Variants in ALPK1 observed in about 807,000 individuals in gnomAD.
The protein encoded by ALPK1 is alpha kinase 1.
ALPK1 carries 110 observed loss-of-function variants against 120.6 expected under a neutral mutation model. That is an observed-to-expected ratio of 0.91 (90% CI 0.78 to 1.07). The LOEUF is 1.07. Among genes scored for constraint, ALPK1 ranks in the 50% least tolerant of loss-of-function variants. The probability of loss-of-function intolerance (pLI) is 0.00; values close to 1 mark genes in which losing one functional copy is unlikely to be tolerated. For synonymous variants in ALPK1, 582 were observed against 560.3 expected (o/e 1.04, Z -0.55); for missense variants, 1,498 against 1,483.9 (o/e 1.01, Z -0.16).
intron 4 of ALPK1, among the ~76,000 whole-genome samples, chr4:112,392,957 C>T (rs1732488968): frequency 6.6e-6 from 1 of 152,218 alleles, no homozygotes; most frequent in Non-Finnish European, 1.5e-5. Context: ...GGGCTGAAAG[C>T]AAAGAAGGTT....
rs1438380204 is a variant in ALPK1 at position 112,441,204 on chromosome 4, C to A, written c.3729C>A (p.Cys1243Ter). 2 of 1,596,360 alleles carry A rather than the reference C, an allele frequency of 1.3e-6. No individual in the cohort carries two copies. The highest frequency in any genetic ancestry group is 1.7e-6 in the Non-Finnish European group (2 of 1,163,876). ...AAATATCTGGTTCTCTCCTTCCAGG[C>A]ACATAGAATACGGCACAGTCTGGTC... ...SLTRPSMEKP[C>*]T Residue 1243 changes from cysteine (C) to a stop codon, truncating the protein, a stop_gained and splice_region_variant, in exon 16 of 16, where the codon TGC becomes TGA. Coordinates refer to ENST00000650871, the MANE Select transcript of ALPK1 (RefSeq NM_025144.4). LOFTEE classifies it high-confidence loss of function.
At chr4:112,369,524 A>G (rs564002776) in intron 2 of ALPK1, among the ~76,000 whole-genome samples, 20 of 151,600 alleles carry the variant, frequency 1.3e-4, no homozygotes, top group African/African-American at 4.8e-4. Context: ...GATTAAAAAG[A>G]CGTTTTAGAT....
chr4:112,392,725 A>T (rs1007284960), intron 4 of ALPK1, among the ~76,000 whole-genome samples: 2 of 152,034 alleles, frequency 1.3e-5, no homozygotes, highest in African/African-American at 4.8e-5. Context: ...TGGGTTTCCC[A>T]GAGCCGTGTT....
At chr4:112,329,343 G>A (rs1199038086) in intron 2 of ALPK1, among the ~76,000 whole-genome samples, 2 of 152,198 alleles carry the variant, frequency 1.3e-5, no homozygotes, top group Non-Finnish European at 2.9e-5. Context: ...AAACTCTGAA[G>A]AGACTGACTT....
intron 4 of ALPK1, among the ~76,000 whole-genome samples, chr4:112,402,278 C>G (rs975258304): frequency 1.3e-5 from 2 of 152,312 alleles, no homozygotes; most frequent in African/African-American, 4.8e-5. Flanking sequence ...CCCAGCCCCT[C>G]CTTGAGAACA....
intron 4 of ALPK1, among the ~76,000 whole-genome samples, chr4:112,392,533 T>C (rs1430277491): frequency 6.6e-6 from 1 of 152,158 alleles, no homozygotes; most frequent in Non-Finnish European, 1.5e-5. Flanking sequence ...AGTAATTTCA[T>C]TTATCTGAGA....
At chr4:112,302,036 C>G (rs1322141859) in intron 1 of ALPK1, among the ~76,000 whole-genome samples, 1 of 152,094 alleles carries the variant, frequency 6.6e-6, no homozygotes, top group African/African-American at 2.4e-5. Flanking sequence ...CTTACAGTCC[C>G]TGAGACAGGG....
At chr4:112,303,573 G>T (rs930697218) in intron 1 of ALPK1, among the ~76,000 whole-genome samples, 5 of 152,066 alleles carry the variant, frequency 3.3e-5, no homozygotes, top group African/African-American at 1.2e-4. Flanking sequence ...GCACCATACC[G>T]TGATCTCCTC....
rs191532929 is a variant in ALPK1, at chr4:112,397,497, A to G, written c.277-14330A>G. The stretch of plus-strand genomic sequence containing the variant: ...TACTTTTGCACCAACCAATATTTCC[A>G]TGGGCACTGTATGTGAAATCGAGAC... On this transcript the variant is annotated intron_variant, in intron 4 of 15. Transcript: ENST00000650871. 1.3e-3 allele frequency among the ~76,000 whole-genome samples: 196 copies of G among 152,332 alleles called. 1 individual carries two copies. The highest frequency in any genetic ancestry group is 4.5e-3 in the African/African-American group (187 of 41,586).
Position 112,345,722 on chromosome 4 carries a change from T to C in ALPK1, c.-101+29870T>C, listed in dbSNP as rs151002807. Among the ~76,000 whole-genome samples the C allele has an allele frequency of 2.6e-4, 39 of 152,364 alleles. No individual in the cohort carries two copies. The East Asian group carries it at 7.1e-3, about 28-fold the overall frequency. On this transcript the variant is annotated intron_variant, in intron 2 of 15. Transcript: ENST00000650871. The stretch of plus-strand genomic sequence containing the variant: ...AGCAATGTAAAAACTTCATGTACTC[T>C]TATGTAGCTTCAACATTTAATAGTC...
At chr4:112,375,614 T>C (rs1047850746) in intron 2 of ALPK1, among the ~76,000 whole-genome samples, 76 of 152,346 alleles carry the variant, frequency 5.0e-4, no homozygotes, top group African/African-American at 1.8e-3. Context: ...AGATGAGGGT[T>C]TGGCTTAAGG....
chr4:112,384,299 A>G (rs1478168328), intron 4 of ALPK1: 1 of 152,252 alleles, frequency 6.6e-6, no homozygotes, highest in African/African-American at 2.4e-5. Flanking sequence ...TTGTATCTAA[A>G]GTAAGCTGTA....
intron 8 of ALPK1, among the ~76,000 whole-genome samples, chr4:112,426,848 G>A (rs1486683481): frequency 1.3e-5 from 2 of 152,120 alleles, no homozygotes; most frequent in Non-Finnish European, 2.9e-5. Flanking sequence ...TTACTTGATT[G>A]CATAGCAAAG....
intron 1 of ALPK1, among the ~76,000 whole-genome samples, chr4:112,308,229 G>T (rs2110527655): frequency 6.6e-6 from 1 of 152,098 alleles, no homozygotes; most frequent in African/African-American, 2.4e-5. Context: ...ATGTGTCTTG[G>T]AGTTGCTCTT....
chr4:112,436,019 T>C (rs567669171), intron 12 of ALPK1, among the ~76,000 whole-genome samples: 3 of 152,382 alleles, frequency 2.0e-5, no homozygotes, highest in Non-Finnish European at 2.9e-5. Context: ...TGGTCTTCAT[T>C]GGATTTAAGA....
At chr4:112,339,684 A>T (rs375661203) in intron 2 of ALPK1, among the ~76,000 whole-genome samples, 1 of 152,216 alleles carries the variant, frequency 6.6e-6, no homozygotes, top group African/African-American at 2.4e-5. Flanking sequence ...GAATCACTGC[A>T]TCATCTATTG....
intron 1 of ALPK1, among the ~76,000 whole-genome samples, chr4:112,301,675 C>A (rs1727793857): frequency 1.3e-5 from 2 of 152,118 alleles, no homozygotes; most frequent in African/African-American, 4.8e-5. Context: ...GAAGAGAAAT[C>A]CTCTGGGGCA....
intron 1 of ALPK1, among the ~76,000 whole-genome samples, chr4:112,302,000 C>T (rs1727809356): frequency 6.6e-6 from 1 of 152,206 alleles, no homozygotes; most frequent in Admixed American, 6.5e-5. Context: ...TCCCTCACCA[C>T]TGACTCTCAG....
intron 10 of ALPK1, 59 bp from the exon 11 acceptor site, chr4:112,430,389 C>T: frequency 7.0e-7 from 1 of 1,433,608 alleles, no homozygotes; most frequent in Non-Finnish European, 9.4e-7. Context: ...AAAAGTTTGT[C>T]CTGATTCACT....
Sources: gnomAD v4.1 joint callset for allele counts (sites outside exome capture counted in the v4.1 genomes callset) on GRCh38, gnomAD v4.1.1 for gene constraint, MANE v1.5 for transcripts, NCBI Gene and HGNC (gene_info 2026-07-23, HGNC 2026-07-21) for gene names.